Variants in LYPD6 observed in about 807,000 individuals in gnomAD.
LYPD6 encodes LY6/PLAUR domain containing 6.
Under a neutral mutation model 22.7 loss-of-function variants are expected in LYPD6, and 15 were observed. The ratio of observed to expected loss-of-function variants is 0.66; its 90% CI spans 0.44 to 1.02. LYPD6 has a LOEUF of 1.02. LYPD6 is among the 50% of genes least tolerant of loss of function. LYPD6 has a pLI of 0.00. For synonymous variants in LYPD6, 72 were observed against 77.5 expected (o/e 0.93, Z 0.37); for missense variants, 189 against 208.4 (o/e 0.91, Z 0.57).
At chr2:149,399,098 TAAA>T (rs1041370658) in intron 1 of LYPD6, among the ~76,000 whole-genome samples, 1 of 149,942 alleles carries the variant, frequency 6.7e-6, no homozygotes, top group African/African-American at 2.4e-5. Flanking sequence ...AGGAAGGTGT[TAAA>T]AAAAAAATCA....
At chr2:149,364,309 T>C (rs1252327744) in intron 1 of LYPD6, among the ~76,000 whole-genome samples, 1 of 152,188 alleles carries the variant, frequency 6.6e-6, no homozygotes, top group Non-Finnish European at 1.5e-5. Context: ...TCCTTTAAGA[T>C]GCTTTAATTG....
At chr2:149,436,359 G>T (rs1374821505) in intron 1 of LYPD6, among the ~76,000 whole-genome samples, 1 of 152,196 alleles carries the variant, frequency 6.6e-6, no homozygotes, top group Non-Finnish European at 1.5e-5. Context: ...TGGAAAAGTA[G>T]TAGAACATGA....
At chr2:149,330,808 G>A (rs913977764) in intron 1 of LYPD6, 86 bp downstream of exon 1, 6 of 152,318 alleles carry the variant, frequency 3.9e-5, no homozygotes, top group African/African-American at 1.4e-4. Flanking sequence ...CCTGGCCAAG[G>A]CAGGGAGTGC....
At chr2:149,332,852 T>C (rs565817698) in intron 1 of LYPD6, among the ~76,000 whole-genome samples, 61 of 152,320 alleles carry the variant, frequency 4.0e-4, no homozygotes, top group Non-Finnish European at 1.0e-4. Context: ...AAACTAGGAA[T>C]AGTTTTAAAG....
intron 1 of LYPD6, among the ~76,000 whole-genome samples, chr2:149,361,951 G>A (rs183556325): frequency 6.6e-6 from 1 of 152,238 alleles, no homozygotes; most frequent in East Asian, 1.9e-4. Flanking sequence ...GTCAGAAGAA[G>A]CAGAGGTTGC....
intron 1 of LYPD6, among the ~76,000 whole-genome samples, chr2:149,415,309 A>G (rs1682937348): frequency 6.6e-6 from 1 of 152,166 alleles, no homozygotes; most frequent in Non-Finnish European, 1.5e-5. Context: ...GCCAAACCTC[A>G]GTTCCTGGAG....
intron 1 of LYPD6, among the ~76,000 whole-genome samples, chr2:149,363,356 G>C (rs1411831941): frequency 1.3e-5 from 2 of 152,036 alleles, no homozygotes; most frequent in African/African-American, 4.8e-5. Context: ...ATCCCTATTT[G>C]GCAGATGAGA....
In LYPD6 at chr2:149,415,017, T is replaced by G. The variant is rs535138662; in HGVS notation, c.-71-22621T>G. On this transcript the variant is annotated intron_variant, in intron 1 of 4. Transcript: ENST00000334166. The stretch of plus-strand genomic sequence containing the variant: ...CAGACTTCTGAGGTTTCTTAAAAAC[T>G]CAGCAGAGCTAACCTCACTAGCCCT... 3.9e-5 allele frequency among the ~76,000 whole-genome samples: 6 copies of G among 152,358 alleles called. No homozygotes were observed. In the East Asian group the frequency reaches 1.2e-3, roughly 29 times the overall value.
chr2:149,449,164 C>T lies in LYPD6; in HGVS notation c.217+17C>T, dbSNP rs1271379451. The T allele has an allele frequency of 6.3e-7, 1 of 1,584,108 alleles. No individual in the cohort carries two copies. The highest frequency in any genetic ancestry group is 8.7e-7 in the Non-Finnish European group (1 of 1,155,326). On this transcript the variant is annotated intron_variant, in intron 3 of 4. Transcript: ENST00000334166. ...GCCCTCGAGGTAAACTCTCAGTAGACTGATTGGGGTCCCCTGGGCTGTCCG... is the reference window on the plus strand; with the variant it reads ...GCCCTCGAGGTAAACTCTCAGTAGATTGATTGGGGTCCCCTGGGCTGTCCG...
chr2:149,332,042 C>A (rs894687960), intron 1 of LYPD6, among the ~76,000 whole-genome samples: 3 of 152,182 alleles, frequency 2.0e-5, no homozygotes, highest in African/African-American at 7.2e-5. Context: ...CTCACGTGTA[C>A]CAAGTTTGCA....
At chr2:149,414,405 G>A (rs1682917844) in intron 1 of LYPD6, among the ~76,000 whole-genome samples, 1 of 151,992 alleles carries the variant, frequency 6.6e-6, no homozygotes, top group African/African-American at 2.4e-5. Context: ...TGGTTTAAAG[G>A]TGTTTCTAAA....
At chr2:149,400,621 T>C (rs1407023236) in intron 1 of LYPD6, among the ~76,000 whole-genome samples, 14 of 13,260 alleles carry the variant, frequency 1.1e-3, no homozygotes, top group Admixed American at 5.4e-3. Flanking sequence ...GTATATAAAC[T>C]TCCTGGTAAC....
intron 3 of LYPD6, among the ~76,000 whole-genome samples, chr2:149,452,086 A>G (rs1157142118): frequency 6.6e-6 from 1 of 152,184 alleles, no homozygotes; most frequent in Non-Finnish European, 1.5e-5. Context: ...TGAAGAGAAC[A>G]TGTCTTCCAG....
chr2:149,394,136 G>A (rs549779953), intron 1 of LYPD6, among the ~76,000 whole-genome samples: 73 of 152,210 alleles, frequency 4.8e-4, no homozygotes, highest in Non-Finnish European at 8.4e-4. Context: ...TAATGTTTTT[G>A]CTTCAACTCT....
At chr2:149,439,422 T>G (rs188495445) in intron 2 of LYPD6, among the ~76,000 whole-genome samples, 25 of 152,330 alleles carry the variant, frequency 1.6e-4, no homozygotes, top group African/African-American at 6.0e-4. Context: ...GCTACTTTAT[T>G]AGACTTGGTG....
At chr2:149,341,216 C>T (rs1445718630) in intron 1 of LYPD6, among the ~76,000 whole-genome samples, 1 of 152,112 alleles carries the variant, frequency 6.6e-6, no homozygotes, top group East Asian at 1.9e-4. Flanking sequence ...AAGTTTGCAG[C>T]AGTTGTGCCT....
At chr2:149,390,917 T>C (rs1190102588) in intron 1 of LYPD6, among the ~76,000 whole-genome samples, 2 of 152,246 alleles carry the variant, frequency 1.3e-5, no homozygotes, top group Non-Finnish European at 2.9e-5. Flanking sequence ...ATGCTCTAAA[T>C]ATTTCCTCTA....
chr2:149,474,763 G>A (rs1284203961), downstream of LYPD6, among the ~76,000 whole-genome samples: 1 of 151,892 alleles, frequency 6.6e-6, no homozygotes, highest in East Asian at 1.9e-4. Flanking sequence ...CTTAATGTGG[G>A]TTTTTTGTTT....
intron 3 of LYPD6, among the ~76,000 whole-genome samples, chr2:149,452,007 A>C (rs1163108803): frequency 6.6e-6 from 1 of 152,206 alleles, no homozygotes; most frequent in African/African-American, 2.4e-5. Flanking sequence ...GGACTGAGGT[A>C]GCCAGCAAAA....
Sources: gnomAD v4.1 joint callset for allele counts (sites outside exome capture counted in the v4.1 genomes callset) on GRCh38, gnomAD v4.1.1 for gene constraint, MANE v1.5 for transcripts, NCBI Gene and HGNC (gene_info 2026-07-23, HGNC 2026-07-21) for gene names.